Variants in KDM4C observed in about 807,000 individuals in gnomAD.
KDM4C encodes lysine demethylase 4C.
Under a neutral mutation model 129.3 loss-of-function variants are expected in KDM4C, and 81 were observed. The ratio of observed to expected loss-of-function variants is 0.63; its 90% CI spans 0.52 to 0.75. The LOEUF (loss-of-function observed/expected upper bound fraction) is 0.75, where lower values mean the gene tolerates loss of function less well. Among genes scored for constraint, KDM4C ranks in the 30% least tolerant of loss-of-function variants. The pLI, the probability that KDM4C is intolerant of heterozygous loss-of-function variation, is 0.00. For missense variants in KDM4C, 1,457 were observed against 1,304.0 expected (o/e 1.12, Z -1.81); for synonymous variants, 573 against 456.1 (o/e 1.26, Z -3.26).
chr9:6,948,889 C>T (rs996332289), intron 8 of KDM4C, among the ~76,000 whole-genome samples: 14 of 152,188 alleles, frequency 9.2e-5, no homozygotes, highest in African/African-American at 3.4e-4. Flanking sequence ...CTTCTTTCTA[C>T]ACAGATGCAG....
chr9:7,076,542 G>GT, intron 17 of KDM4C: 6 of 1,533,578 alleles, frequency 3.9e-6, no homozygotes, highest in Non-Finnish European at 5.3e-6. Flanking sequence ...CTCCGCCACT[G>GT]TTTCAGATGC....
intron 8 of KDM4C, among the ~76,000 whole-genome samples, chr9:6,969,775 T>C (rs1831633102): frequency 6.6e-6 from 1 of 152,246 alleles, no homozygotes; most frequent in Non-Finnish European, 1.5e-5. Flanking sequence ...TTGAGTGTTA[T>C]ATACTTAGAG....
At chr9:6,891,948 T>TA (rs1458518511) in intron 7 of KDM4C, among the ~76,000 whole-genome samples, 1 of 152,208 alleles carries the variant, frequency 6.6e-6, no homozygotes, top group Non-Finnish European at 1.5e-5. Context: ...AGCATTTTAT[T>TA]ATATGTACAT....
intron 5 of KDM4C, among the ~76,000 whole-genome samples, chr9:6,865,209 C>T (rs915903386): frequency 7.9e-5 from 12 of 151,980 alleles, no homozygotes; most frequent in African/African-American, 2.9e-4. Flanking sequence ...GGGGTTTCAC[C>T]GTGTTTGCCA....
chr9:7,159,310 T>A (rs1271281272), intron 19 of KDM4C, among the ~76,000 whole-genome samples: 2 of 152,244 alleles, frequency 1.3e-5, no homozygotes, highest in African/African-American at 2.4e-5. Context: ...GTCTTTCAAT[T>A]GGGGCATTTA....
chr9:6,778,991 G>T (rs1205343279), intron 1 of KDM4C, among the ~76,000 whole-genome samples: 5 of 149,082 alleles, frequency 3.4e-5, no homozygotes, highest in Non-Finnish European at 5.9e-5. Context: ...CAAAGTGCTG[G>T]GATTACAGGC....
chr9:6,846,033 A>G (rs7867052), intron 4 of KDM4C, among the ~76,000 whole-genome samples: 48 of 152,352 alleles, frequency 3.2e-4, no homozygotes, highest in African/African-American at 1.1e-3. Context: ...CAAGTGAAGC[A>G]GTCTGCAGTG....
At chr9:7,051,110 C>T (rs1830096692) in intron 17 of KDM4C, among the ~76,000 whole-genome samples, 1 of 152,102 alleles carries the variant, frequency 6.6e-6, no homozygotes, top group Non-Finnish European at 1.5e-5. Context: ...ATGAAAATAG[C>T]AGCCTCTTGA....
At chr9:6,820,161 T>G (rs1354193644) in intron 4 of KDM4C, among the ~76,000 whole-genome samples, 2 of 152,172 alleles carry the variant, frequency 1.3e-5, no homozygotes, top group African/African-American at 4.8e-5. Flanking sequence ...TGCAGTGGGC[T>G]TGACTCTTTG....
intron 2 of KDM4C, among the ~76,000 whole-genome samples, chr9:6,800,600 A>T (rs1025567010): frequency 3.5e-5 from 5 of 144,060 alleles, no homozygotes; most frequent in African/African-American, 1.3e-4. Context: ...ATGTATATCT[A>T]TCTATTTTAT....
At chr9:6,799,011 G>C (rs1260070008) in intron 2 of KDM4C, among the ~76,000 whole-genome samples, 1 of 144,586 alleles carries the variant, frequency 6.9e-6, no homozygotes, top group Non-Finnish European at 1.5e-5. Context: ...TGGGATGGCG[G>C]CCGGGAAGAG....
At chr9:7,139,696 A>G (rs184515997) in intron 19 of KDM4C, among the ~76,000 whole-genome samples, 1 of 152,278 alleles carries the variant, frequency 6.6e-6, no homozygotes, top group East Asian at 1.9e-4. Context: ...TGAATTTAAT[A>G]TTTTCCTTAC....
chr9:6,727,411 A>G (rs898763270), intron 1 of KDM4C: 5 of 151,006 alleles, frequency 3.3e-5, no homozygotes, highest in African/African-American at 1.2e-4. Flanking sequence ...AAATTGCACC[A>G]TTGCACTCTA....
chr9:6,930,697 C>CGTT (rs140016443), intron 8 of KDM4C, among the ~76,000 whole-genome samples: 9 of 147,430 alleles, frequency 6.1e-5, no homozygotes, highest in African/African-American at 2.0e-4. Context: ...TAATTATTAA[C>CGTT]ATATCATATG....
chr9:6,945,735 A>T (rs1296157455), intron 8 of KDM4C, among the ~76,000 whole-genome samples: 1 of 152,194 alleles, frequency 6.6e-6, no homozygotes, highest in East Asian at 1.9e-4. Context: ...TTGGCTTTTA[A>T]TCTAAGGTAC....
At chr9:6,838,672 G>A (rs978029144) in intron 4 of KDM4C, among the ~76,000 whole-genome samples, 6 of 152,152 alleles carry the variant, frequency 3.9e-5, no homozygotes, top group East Asian at 1.9e-4. Flanking sequence ...AAAACAGAAA[G>A]CAGTGCTGTA....
chr9:7,145,682 G>T (rs1842159146), intron 19 of KDM4C, among the ~76,000 whole-genome samples: 1 of 152,186 alleles, frequency 6.6e-6, no homozygotes, highest in African/African-American at 2.4e-5. Flanking sequence ...CTGCCTCTTC[G>T]GAACACCCAG....
intron 15 of KDM4C, among the ~76,000 whole-genome samples, chr9:7,029,572 T>G (rs1266506642): frequency 6.6e-6 from 1 of 151,800 alleles, no homozygotes; most frequent in Non-Finnish European, 1.5e-5. Context: ...TTCTAAAGAG[T>G]AAATATAAAA....
chr9:6,750,462 C>T (rs1007671098), intron 1 of KDM4C, among the ~76,000 whole-genome samples: 2 of 150,212 alleles, frequency 1.3e-5, no homozygotes, highest in Non-Finnish European at 3.0e-5. Flanking sequence ...AAGCTCTTCA[C>T]GAGGCAAAAG....
Sources: allele counts gnomAD v4.1 joint callset (sites outside exome capture counted in the v4.1 genomes callset), GRCh38; gene constraint gnomAD v4.1.1; transcripts MANE v1.5; gene names NCBI Gene and HGNC (gene_info 2026-07-23, HGNC 2026-07-21).